Variants in DNAAF9 observed in about 807,000 individuals in gnomAD.
The protein encoded by DNAAF9 is dynein axonemal assembly factor 9.
DNAAF9 carries 90 observed loss-of-function variants against 167.0 expected under a neutral mutation model. The observed-to-expected ratio is 0.54, with a 90% confidence interval of 0.45 to 0.64. DNAAF9 has a LOEUF of 0.64. Ranked by LOEUF, DNAAF9 falls within the 30% of genes least tolerant of loss-of-function variation. The probability of loss-of-function intolerance (pLI) is 0.00; values close to 1 mark genes in which losing one functional copy is unlikely to be tolerated. For synonymous variants in DNAAF9, 491 were observed against 508.8 expected (o/e 0.96, Z 0.47); for missense variants, 1,315 against 1,442.2 (o/e 0.91, Z 1.43).
rs2083329927 is a variant in DNAAF9 at position 3,359,352 on chromosome 20, TATAC to T, written c.690+160_690+163del. Among the ~76,000 whole-genome samples, 3 of 152,346 alleles carry T rather than the reference TATAC, an allele frequency of 2.0e-5. No individual in the cohort carries two copies. The South Asian group carries it at 6.2e-4, about 32-fold the overall frequency. On this transcript the variant is annotated intron_variant, in intron 7 of 36. Coordinates refer to ENST00000252032, the MANE Select transcript of DNAAF9 (RefSeq NM_001009984.3). ...GCAGTGTCACTTTGCCAGGTTCCTT[TATAC>T]CCCCAAGGAATTCAAGACAATAATC...
At chr20:3,376,078 C>G in intron 4 of DNAAF9, 100 bp downstream of exon 4, 1 of 1,074,996 alleles carries the variant, frequency 9.3e-7, no homozygotes, top group South Asian at 1.6e-5. Context: ...TATATAGTCA[C>G]ACTCTGCAAT....
At chr20:3,403,263 C>T (rs1194537103) in intron 1 of DNAAF9, among the ~76,000 whole-genome samples, 1 of 152,114 alleles carries the variant, frequency 6.6e-6, no homozygotes, top group East Asian at 1.9e-4. Context: ...TTTACAACTA[C>T]AAACATCAAA....
intron 26 of DNAAF9, among the ~76,000 whole-genome samples, chr20:3,289,330 C>A (rs2068908043): frequency 6.6e-6 from 1 of 152,004 alleles, no homozygotes; most frequent in Non-Finnish European, 1.5e-5. Flanking sequence ...TGTAGTCCTG[C>A]CTACTTGGGA....
intron 6 of DNAAF9, among the ~76,000 whole-genome samples, chr20:3,367,913 T>A (rs1313429625): frequency 4.2e-5 from 6 of 142,216 alleles, no homozygotes; most frequent in Non-Finnish European, 7.7e-5. Context: ...TCAATTTGTT[T>A]AAAAAAAAAA....
intron 1 of DNAAF9, among the ~76,000 whole-genome samples, chr20:3,391,042 T>C (rs941872755): frequency 1.1e-4 from 16 of 152,204 alleles, no homozygotes; most frequent in African/African-American, 3.9e-4. Flanking sequence ...CAACTACTGC[T>C]GTACAAAGCC....
intron 12 of DNAAF9, 126 bp downstream of exon 12, chr20:3,330,520 T>C (rs2069805832): frequency 3.1e-6 from 2 of 652,226 alleles, no homozygotes; most frequent in Non-Finnish European, 5.5e-6. Context: ...GGGATTACAG[T>C]GTGCGCCACC....
At chr20:3,340,777 G>A (rs935585732) in intron 9 of DNAAF9, 138 bp from the exon 10 acceptor site, 5 of 711,688 alleles carry the variant, frequency 7.0e-6, no homozygotes, top group Admixed American at 2.2e-5. Context: ...ACAGTCGACC[G>A]AATATCCTTG....
At chr20:3,373,415 T>A (rs926191624) in intron 6 of DNAAF9, among the ~76,000 whole-genome samples, 11 of 152,250 alleles carry the variant, frequency 7.2e-5, no homozygotes, top group Admixed American at 7.2e-4. Context: ...TCAAGCCATT[T>A]TCCTTAATCT....
rs112643406 is a variant in DNAAF9, at chr20:3,249,713, C to T, written c.*2859G>A. 1 of 152,232 alleles carries T rather than the reference C, an allele frequency of 6.6e-6. No individual in the cohort carries two copies. Among genetic ancestry groups the T allele is most frequent in the Non-Finnish European group, 1.5e-5 (1 of 68,034 alleles). The allele number at this position is 152,232 out of a possible 1,614,324, so 9.4% of individuals were successfully genotyped here. On this transcript the variant is annotated 3_prime_UTR_variant, in exon 37 of 37. Transcript: ENST00000252032. ...GATCAGCAACACGGCTGGAATACTT[C>T]GTAGTTTACAATCTTTGAATTGAAC...
At chr20:3,322,579 G>A in intron 15 of DNAAF9, 73 bp downstream of exon 15, 2 of 1,177,676 alleles carry the variant, frequency 1.7e-6, no homozygotes, top group African/African-American at 1.5e-5. Flanking sequence ...AACCACTCAT[G>A]TCAGCAGCCT....
In DNAAF9 at chr20:3,320,373, C is replaced by A. The variant is rs2069592325; in HGVS notation, c.1356+1844G>T. Among the ~76,000 whole-genome samples, 3 of 152,260 alleles carry A rather than the reference C, an allele frequency of 2.0e-5. No homozygotes were observed. The East Asian group carries it at 5.8e-4, about 29-fold the overall frequency. On this transcript the variant is annotated intron_variant, in intron 16 of 36. Coordinates refer to ENST00000252032, the MANE Select transcript of DNAAF9 (RefSeq NM_001009984.3). ...AGAACTTCATCTCTGGATAAGAGGA[C>A]AGAATGTAGACAAAAAGCATCAACT...
intron 28 of DNAAF9, 21 bp downstream of exon 28, chr20:3,281,620 C>T (rs756369523): frequency 1.9e-6 from 3 of 1,580,280 alleles, no homozygotes; most frequent in Non-Finnish European, 2.6e-6. Flanking sequence ...AGTACACTTA[C>T]ACACCATATC....
At chr20:3,266,762 C>T (rs2068497573) in intron 30 of DNAAF9, among the ~76,000 whole-genome samples, 1 of 152,110 alleles carries the variant, frequency 6.6e-6, no homozygotes, top group South Asian at 2.1e-4. Context: ...CTGGCCTGAG[C>T]CACCATGCTC....
intron 10 of DNAAF9, among the ~76,000 whole-genome samples, chr20:3,336,992 G>T (rs112832415): frequency 0.014 from 2,040 of 146,398 alleles, 15 homozygotes; most frequent in Non-Finnish European, 0.022. Flanking sequence ...CCGTTCTCCT[G>T]CCTCAGCCTC....
chr20:3,326,067 G>T, intron 13 of DNAAF9, 130 bp downstream of exon 13: 1 of 657,466 alleles, frequency 1.5e-6, no homozygotes, highest in Non-Finnish European at 2.7e-6. Flanking sequence ...GCTTCTCTCT[G>T]CCTGGTGTCA....
intron 12 of DNAAF9, among the ~76,000 whole-genome samples, chr20:3,328,073 G>C (rs1257089926): frequency 1.3e-5 from 2 of 152,054 alleles, no homozygotes; most frequent in Non-Finnish European, 2.9e-5. Flanking sequence ...ACCAACACTG[G>C]TCAGGCCTTC....
intron 13 of DNAAF9, among the ~76,000 whole-genome samples, chr20:3,325,242 A>C (rs950430236): frequency 2.0e-5 from 3 of 152,240 alleles, no homozygotes; most frequent in African/African-American, 7.2e-5. Context: ...GATCCAGAGA[A>C]GTGACCAGCT....
At chr20:3,296,384 G>GT (rs113181466) in intron 23 of DNAAF9, 34,742 of 253,696 alleles carry the variant, frequency 0.14, 1,080 homozygotes, top group East Asian at 0.24. Flanking sequence ...GACATTTTTC[G>GT]TTTTTTTTTT....
intron 25 of DNAAF9, among the ~76,000 whole-genome samples, chr20:3,292,237 T>C (rs1209993076): frequency 6.6e-6 from 1 of 151,982 alleles, no homozygotes. Context: ...TGACCTCAGG[T>C]GATCCACCTA....
Sources: gnomAD v4.1 joint callset for allele counts (sites outside exome capture counted in the v4.1 genomes callset) on GRCh38, gnomAD v4.1.1 for gene constraint, MANE v1.5 for transcripts, NCBI Gene and HGNC (gene_info 2026-07-23, HGNC 2026-07-21) for gene names.